The following MAP2 variants were observed in gnomAD, a reference collection of about 807,000 sequenced individuals.
MAP2 encodes microtubule-associated protein 2.
In MAP2, 14 loss-of-function variants were observed where a neutral mutation model predicts 137.6. The observed-to-expected ratio is 0.10, with a 90% CI of 0.07 to 0.16. The LOEUF is 0.16. Ranked by LOEUF, MAP2 falls within the 10% of genes least tolerant of loss-of-function variation. The pLI, the probability that MAP2 is intolerant of heterozygous loss-of-function variation, is 1.00. For synonymous variants in MAP2, 786 were observed against 782.3 expected (o/e 1.00, Z -0.08); for missense variants, 2,088 against 2,191.5 (o/e 0.95, Z 0.94).
At chr2:209,542,604 A>G (rs1330725111) in intron 2 of MAP2, among the ~76,000 whole-genome samples, 1 of 152,218 alleles carries the variant, frequency 6.6e-6, no homozygotes, top group South Asian at 2.1e-4. Flanking sequence ...GTCTTCATCA[A>G]AGATTTTAGC....
chr2:209,640,082 A>C (rs2093897278), intron 4 of MAP2, among the ~76,000 whole-genome samples: 1 of 152,078 alleles, frequency 6.6e-6, no homozygotes, highest in Admixed American at 6.6e-5. Context: ...TCTTCCTAGA[A>C]AGCTTCTTGT....
At chr2:209,448,710 T>C (rs1699659773) in intron 1 of MAP2, among the ~76,000 whole-genome samples, 1 of 152,160 alleles carries the variant, frequency 6.6e-6, no homozygotes, top group Admixed American at 6.5e-5. Context: ...GGACTTCTCT[T>C]TTGTCTCTCA....
intron 5 of MAP2, among the ~76,000 whole-genome samples, chr2:209,658,098 T>G (rs987518185): frequency 6.6e-6 from 1 of 152,194 alleles, no homozygotes; most frequent in African/African-American, 2.4e-5. Context: ...AGTTCCAGGG[T>G]TGGGGCCCAA....
intron 1 of MAP2, among the ~76,000 whole-genome samples, chr2:209,433,589 A>T (rs1223919897): frequency 6.6e-6 from 1 of 152,118 alleles, no homozygotes; most frequent in Non-Finnish European, 1.5e-5. Context: ...ATCTCATAAA[A>T]GCTTTCAAAG....
intron 3 of MAP2, among the ~76,000 whole-genome samples, chr2:209,603,730 A>G (rs2083715863): frequency 6.6e-6 from 1 of 152,108 alleles, no homozygotes; most frequent in South Asian, 2.1e-4. Context: ...ATATCTCTCA[A>G]TTTTTGGAAT....
At chr2:209,477,542 G>C (rs1707597942) in intron 1 of MAP2, among the ~76,000 whole-genome samples, 1 of 152,002 alleles carries the variant, frequency 6.6e-6, no homozygotes, top group South Asian at 2.1e-4. Context: ...AGAACATTAG[G>C]CTATTCTTTA....
chr2:209,439,612 TGA>T (rs1265025729), intron 1 of MAP2, among the ~76,000 whole-genome samples: 1 of 151,360 alleles, frequency 6.6e-6, no homozygotes, highest in Non-Finnish European at 1.5e-5. Context: ...TCTCAGGAAG[TGA>T]GAGAGAGTGA....
intron 2 of MAP2, among the ~76,000 whole-genome samples, chr2:209,540,097 TAAAA>T (rs35280709): frequency 7.6e-5 from 3 of 39,522 alleles, no homozygotes; most frequent in Non-Finnish European, 1.6e-4. Flanking sequence ...GGAGACGTTG[TAAAA>T]AAAAAAAAAA....
At chr2:209,480,008 T>C (rs1708336404) in intron 1 of MAP2, among the ~76,000 whole-genome samples, 1 of 152,166 alleles carries the variant, frequency 6.6e-6, no homozygotes, top group Non-Finnish European at 1.5e-5. Context: ...TTAATTAAAA[T>C]GTGACAGTTT....
intron 3 of MAP2, among the ~76,000 whole-genome samples, chr2:209,594,705 CAG>C (rs1338941246): frequency 6.6e-6 from 1 of 152,124 alleles, no homozygotes; most frequent in African/African-American, 2.4e-5. Context: ...TTCATAATAA[CAG>C]TATATGTTTG....
At chr2:209,505,426 C>T (rs145205196) in intron 1 of MAP2, among the ~76,000 whole-genome samples, 247 of 152,214 alleles carry the variant, frequency 1.6e-3, no homozygotes, top group East Asian at 2.9e-3. Flanking sequence ...TCACACTGGA[C>T]GCTATCATTC....
At chr2:209,555,345 G>C (rs1410251083) in intron 2 of MAP2, among the ~76,000 whole-genome samples, 2 of 152,134 alleles carry the variant, frequency 1.3e-5, no homozygotes, top group Admixed American at 1.3e-4. Flanking sequence ...ACTCAGTTCA[G>C]TTATTTTTAA....
At chr2:209,479,225 A>T (rs1708142305) in intron 1 of MAP2, among the ~76,000 whole-genome samples, 1 of 152,096 alleles carries the variant, frequency 6.6e-6, no homozygotes, top group Non-Finnish European at 1.5e-5. Flanking sequence ...TGCAAAAAAC[A>T]TATATCTCTC....
intron 12 of MAP2, among the ~76,000 whole-genome samples, chr2:209,706,226 T>C (rs2063359787): frequency 6.6e-6 from 1 of 152,118 alleles, no homozygotes; most frequent in South Asian, 2.1e-4. Flanking sequence ...GTTCAAATTA[T>C]CTTGATTGAT....
chr2:209,580,477 G>T (rs899326899), intron 3 of MAP2, among the ~76,000 whole-genome samples: 1 of 152,106 alleles, frequency 6.6e-6, no homozygotes, highest in African/African-American at 2.4e-5. Flanking sequence ...ATCCTGCTAA[G>T]TGATTTATTA....
chr2:209,693,794 G>C lies in MAP2; in HGVS notation c.1624G>C (p.Asp542His). ...SIQELFEMRV[D>H]DKDKIEGVGA... ...TCAGGAACTTTTTGAAATGAGAGTT[G>C]ATGACAAAGATAAGATTGAAGGAGT... The change falls in exon 8 of 16, where the codon GAT (aspartate) becomes CAT (histidine). Residue 542 changes from aspartate to histidine, a missense_variant. This residue lies in a region of MAP2 where 859 missense variants were observed against 794.5 expected (regional missense o/e 1.08). Transcript: ENST00000682079. 1 of 1,614,062 alleles carries C rather than the reference G, an allele frequency of 6.2e-7. No homozygotes were observed. The highest frequency in any genetic ancestry group is 8.5e-7 in the Non-Finnish European group (1 of 1,179,984).
intron 2 of MAP2, among the ~76,000 whole-genome samples, chr2:209,569,449 G>A (rs926989626): frequency 2.0e-5 from 3 of 151,744 alleles, no homozygotes; most frequent in Non-Finnish European, 4.4e-5. Flanking sequence ...CCTTCATGAA[G>A]CTTACAAGTG....
In MAP2 at chr2:209,504,623, C is replaced by G. The variant is rs115895702; in HGVS notation, c.-221-2969C>G. On this transcript the variant is annotated intron_variant, in intron 1 of 15. Transcript: ENST00000682079. ...TTTGTATGAGACACCATGCAAGATCCTAGGATAACAGCATCACTTATTTTA... is the reference window on the plus strand; with the variant it reads ...TTTGTATGAGACACCATGCAAGATCGTAGGATAACAGCATCACTTATTTTA... Among the ~76,000 whole-genome samples the G allele has an allele frequency of 5.9e-3, 903 of 152,190 alleles. 8 individuals are homozygous for G. The highest frequency in any genetic ancestry group is 0.021 in the African/African-American group (879 of 41,538).
At chr2:209,467,632 C>T (rs923607078) in intron 1 of MAP2, among the ~76,000 whole-genome samples, 8 of 151,986 alleles carry the variant, frequency 5.3e-5, no homozygotes, top group Non-Finnish European at 8.8e-5. Flanking sequence ...ATGTATTATT[C>T]CTAAAGTATT....
Sources: allele counts gnomAD v4.1 joint callset (sites outside exome capture counted in the v4.1 genomes callset), GRCh38; gene constraint gnomAD v4.1.1; regional missense constraint gnomAD v4.1.1; transcripts MANE v1.5; gene names NCBI Gene and HGNC (gene_info 2026-07-23, HGNC 2026-07-21).